The following LY96 variants were observed in gnomAD, a reference collection of about 807,000 sequenced individuals.
LY96 encodes the protein myeloid differentiation protein-2.
A neutral mutation model predicts 18.9 loss-of-function variants in LY96; 18 were observed. The observed-to-expected ratio is 0.95, with a 90% CI of 0.66 to 1.41. The LOEUF is 1.41. Ranked by LOEUF, LY96 falls within the 40% of genes most tolerant of loss-of-function variation. LY96 has a pLI of 0.00. For synonymous variants in LY96, 66 were observed against 62.6 expected (o/e 1.06, Z -0.26); for missense variants, 175 against 182.4 (o/e 0.96, Z 0.23).
chr8:74,015,853 G>T (rs1430726502), intron 3 of LY96, among the ~76,000 whole-genome samples: 1 of 152,196 alleles, frequency 6.6e-6, no homozygotes, highest in Non-Finnish European at 1.5e-5. Flanking sequence ...TGTGGGCAAA[G>T]CTTCAAGCTA....
intron 2 of LY96, among the ~76,000 whole-genome samples, chr8:74,007,946 G>C (rs920767004): frequency 1.1e-4 from 17 of 152,190 alleles, no homozygotes; most frequent in Non-Finnish European, 1.5e-5. Context: ...TTTTAGCAGA[G>C]ACAGGGTTTC....
the LY96 span, among the ~76,000 whole-genome samples, chr8:74,081,087 C>CTTTCTTTCTT: frequency 9.7e-5 from 9 of 93,022 alleles, no homozygotes; most frequent in East Asian, 1.3e-3. Flanking sequence ...TTCTCTTTCT[C>CTTTCTTTCTT]TCTTTCTTTC....
At chr8:74,030,922 T>A (rs190406555), downstream of LY96, among the ~76,000 whole-genome samples, 1 of 152,198 alleles carries the variant, frequency 6.6e-6, no homozygotes, top group African/African-American at 2.4e-5. Context: ...GGAGAGAACA[T>A]GGAGAATCCC....
At chr8:74,029,268 G>C (rs1394784545), downstream of LY96, among the ~76,000 whole-genome samples, 1 of 152,158 alleles carries the variant, frequency 6.6e-6, no homozygotes, top group South Asian at 2.1e-4. Context: ...AATGTGGAGG[G>C]AGGGGAAGAA....
the LY96 span, among the ~76,000 whole-genome samples, chr8:74,095,472 C>A: frequency 6.6e-6 from 1 of 152,158 alleles, no homozygotes; most frequent in Non-Finnish European, 1.5e-5. Flanking sequence ...AGTTTTCTAT[C>A]CTTCCTGTGG....
chr8:74,032,590 A>G (rs987851599), downstream of LY96, among the ~76,000 whole-genome samples: 1 of 152,188 alleles, frequency 6.6e-6, no homozygotes, highest in Non-Finnish European at 1.5e-5. Context: ...GCTCAGTCGG[A>G]GAGCTCGGTT....
At chr8:74,046,078 A>G in the LY96 span, among the ~76,000 whole-genome samples, 2 of 152,204 alleles carry the variant, frequency 1.3e-5, 1 homozygote. Context: ...CAGGAGTTCG[A>G]GACAAGGCTG....
chr8:74,068,245 A>G, the LY96 span, among the ~76,000 whole-genome samples: 1 of 151,946 alleles, frequency 6.6e-6, no homozygotes, highest in Non-Finnish European at 1.5e-5. Context: ...GAATGGAGTC[A>G]TATAGAAAGC....
the LY96 span, among the ~76,000 whole-genome samples, chr8:74,084,846 C>T: frequency 6.6e-6 from 1 of 152,164 alleles, no homozygotes. Context: ...AACTCCTGAC[C>T]TCAAGTGATC....
chr8:74,081,002 C>CTTTCTTTCTTTCT, the LY96 span, among the ~76,000 whole-genome samples: 1 of 122,210 alleles, frequency 8.2e-6, no homozygotes, highest in Admixed American at 8.0e-5. Context: ...TTCTTTCTTT[C>CTTTCTTTCTTTCT]TTTCTTTCTT....
At chr8:74,029,246 A>G (rs1406008257), downstream of LY96, among the ~76,000 whole-genome samples, 2 of 152,204 alleles carry the variant, frequency 1.3e-5, no homozygotes, top group African/African-American at 2.4e-5. Flanking sequence ...GGGAAGCACC[A>G]GTGTCTGTGA....
chr8:74,088,476 A>G, the LY96 span, among the ~76,000 whole-genome samples: 1 of 152,032 alleles, frequency 6.6e-6, no homozygotes, highest in Non-Finnish European at 1.5e-5. Context: ...TTTGCACCAC[A>G]TACCCCCAAG....
intron 3 of LY96, among the ~76,000 whole-genome samples, chr8:74,017,159 G>T (rs7839553): frequency 2.0e-5 from 3 of 152,004 alleles, no homozygotes; most frequent in African/African-American, 4.8e-5. Context: ...CCTTGAAAAA[G>T]GATTGGATGA....
At chr8:74,038,638 C>T in the LY96 span, among the ~76,000 whole-genome samples, 280 of 152,308 alleles carry the variant, frequency 1.8e-3, 1 homozygote, top group African/African-American at 5.7e-3. Flanking sequence ...GGAGGCCTAC[C>T]GTCTCGGCTT....
At chr8:74,048,876 GAGAA>G in the LY96 span, 3 of 151,688 alleles carry the variant, frequency 2.0e-5, no homozygotes, top group African/African-American at 2.4e-5. Flanking sequence ...GAAAGAAAAG[GAGAA>G]AGAAAGAATG....
chr8:73,999,834 T>G (rs1382176821), intron 1 of LY96, among the ~76,000 whole-genome samples: 1 of 152,214 alleles, frequency 6.6e-6, no homozygotes, highest in Non-Finnish European at 1.5e-5. Flanking sequence ...TAACAATTTT[T>G]AATGAAGTCT....
intron 3 of LY96, among the ~76,000 whole-genome samples, chr8:74,019,537 A>G (rs962103234): frequency 6.6e-6 from 1 of 152,238 alleles, no homozygotes; most frequent in Non-Finnish European, 1.5e-5. Flanking sequence ...TCCAATCAAT[A>G]GAAAAGGAGG....
chr8:74,077,516 T>C, the LY96 span, among the ~76,000 whole-genome samples: 8,265 of 152,178 alleles, frequency 0.054, 707 homozygotes, highest in African/African-American at 0.18. Context: ...GCTCCAGTAA[T>C]GTGACAGCAA....
chr8:74,082,535 A>AT, the LY96 span, among the ~76,000 whole-genome samples: 26 of 152,282 alleles, frequency 1.7e-4, no homozygotes, highest in South Asian at 5.0e-3. Flanking sequence ...TTGTATTGTT[A>AT]TTTAAAAAAA....
Sources: allele counts gnomAD v4.1 joint callset (sites outside exome capture counted in the v4.1 genomes callset), GRCh38; gene constraint gnomAD v4.1.1; transcripts MANE v1.5; gene names NCBI Gene and HGNC (gene_info 2026-07-23, HGNC 2026-07-21).